The following CDH13 variants were observed in gnomAD, a reference collection of about 807,000 sequenced individuals.
CDH13 encodes cadherin 13.
In CDH13, 24 loss-of-function variants were observed where a neutral mutation model predicts 63.8. That is an observed-to-expected ratio of 0.38 (90% CI 0.27 to 0.53). The LOEUF (loss-of-function observed/expected upper bound fraction) is 0.53, where lower values mean the gene tolerates loss of function less well. Among genes scored for constraint, CDH13 ranks in the 20% least tolerant of loss-of-function variants. The probability of loss-of-function intolerance (pLI) is 0.85; values close to 1 mark genes in which losing one functional copy is unlikely to be tolerated. For missense variants in CDH13, 1,049 were observed against 903.1 expected (o/e 1.16, Z -2.07); for synonymous variants, 503 against 355.3 (o/e 1.42, Z -4.67).
At chr16:83,648,140 C>T (rs568873376) in intron 8 of CDH13, among the ~76,000 whole-genome samples, 1 of 152,192 alleles carries the variant, frequency 6.6e-6, no homozygotes, top group South Asian at 2.1e-4. Flanking sequence ...GAAACCAAAG[C>T]CATACCTTGG....
At chr16:83,427,656 A>G (rs751322660) in intron 6 of CDH13, among the ~76,000 whole-genome samples, 20 of 152,112 alleles carry the variant, frequency 1.3e-4, no homozygotes, top group Non-Finnish European at 2.6e-4. Flanking sequence ...AAGGGAGTGC[A>G]GTGATTATGG....
chr16:83,110,304 C>G (rs530342303), intron 3 of CDH13, among the ~76,000 whole-genome samples: 23 of 152,310 alleles, frequency 1.5e-4, no homozygotes, highest in Non-Finnish European at 2.5e-4. Flanking sequence ...GCATGTCTGT[C>G]TTTCAAAATG....
intron 1 of CDH13, among the ~76,000 whole-genome samples, chr16:82,786,541 A>G (rs1273009586): frequency 6.8e-6 from 1 of 147,172 alleles, no homozygotes; most frequent in Admixed American, 6.9e-5. Flanking sequence ...GTTCTAGGGT[A>G]CATGTGCACA....
At chr16:83,571,797 A>G (rs1340225097) in intron 7 of CDH13, among the ~76,000 whole-genome samples, 5 of 152,108 alleles carry the variant, frequency 3.3e-5, no homozygotes, top group Non-Finnish European at 1.5e-5. Flanking sequence ...GTTTGTCTCA[A>G]TTCTATGCAG....
At chr16:83,411,295 T>G (rs2092122153) in intron 6 of CDH13, among the ~76,000 whole-genome samples, 1 of 152,156 alleles carries the variant, frequency 6.6e-6, no homozygotes, top group Non-Finnish European at 1.5e-5. Flanking sequence ...CCACTGAAAT[T>G]AGCATCCCCC....
chr16:83,060,716 C>G (rs1164798986), intron 3 of CDH13, among the ~76,000 whole-genome samples: 1 of 152,178 alleles, frequency 6.6e-6, no homozygotes, highest in Non-Finnish European at 1.5e-5. Context: ...TCTCAGATCT[C>G]TGCATTAGGA....
chr16:83,243,108 G>A (rs1904630922), intron 5 of CDH13, among the ~76,000 whole-genome samples: 1 of 152,182 alleles, frequency 6.6e-6, no homozygotes, highest in South Asian at 2.1e-4. Context: ...CTTGACTCCA[G>A]TGTCCAGGCT....
chr16:83,304,939 T>A (rs542277822), intron 5 of CDH13, among the ~76,000 whole-genome samples: 1 of 152,194 alleles, frequency 6.6e-6, no homozygotes, highest in African/African-American at 2.4e-5. Flanking sequence ...AGCAGAACTT[T>A]CCCACTTTTC....
intron 8 of CDH13, among the ~76,000 whole-genome samples, chr16:83,647,235 G>T (rs1042264618): frequency 6.6e-6 from 1 of 151,394 alleles, no homozygotes; most frequent in Non-Finnish European, 1.5e-5. Flanking sequence ...GCATGAACCC[G>T]GGAGGCGGAG....
chr16:83,676,034 A>G (rs1914924969), intron 9 of CDH13, among the ~76,000 whole-genome samples: 1 of 152,182 alleles, frequency 6.6e-6, no homozygotes, highest in African/African-American at 2.4e-5. Flanking sequence ...TAGTTATAAG[A>G]GCAAGAACTT....
intron 1 of CDH13, among the ~76,000 whole-genome samples, chr16:82,628,422 TG>T (rs1268125902): frequency 7.2e-5 from 11 of 151,946 alleles, no homozygotes; most frequent in African/African-American, 2.7e-4. Context: ...CTGTCTGGGA[TG>T]GGGAGACTGG....
intron 2 of CDH13, among the ~76,000 whole-genome samples, chr16:83,025,668 T>G (rs775728271): frequency 1.3e-5 from 2 of 152,170 alleles, no homozygotes; most frequent in Non-Finnish European, 1.5e-5. Flanking sequence ...ACAGGGCTCC[T>G]ACACACAAGC....
intron 2 of CDH13, among the ~76,000 whole-genome samples, chr16:83,026,821 A>G (rs562533796): frequency 2.0e-5 from 3 of 152,228 alleles, no homozygotes; most frequent in African/African-American, 7.2e-5. Flanking sequence ...ACTGATTCCA[A>G]CCATTCTTTG....
chr16:82,669,701 C>T (rs1045904345), intron 1 of CDH13, among the ~76,000 whole-genome samples: 1 of 152,218 alleles, frequency 6.6e-6, no homozygotes, highest in Non-Finnish European at 1.5e-5. Flanking sequence ...TTCCATACAA[C>T]TGTGCCCTCT....
intron 8 of CDH13, among the ~76,000 whole-genome samples, chr16:83,619,322 G>A (rs1909588665): frequency 6.6e-6 from 1 of 152,220 alleles, no homozygotes; most frequent in African/African-American, 2.4e-5. Context: ...CTCATGATGA[G>A]ATGGAAGAGG....
intron 7 of CDH13, among the ~76,000 whole-genome samples, chr16:83,509,823 C>G (rs2074514843): frequency 1.3e-5 from 2 of 152,188 alleles, no homozygotes; most frequent in Non-Finnish European, 2.9e-5. Flanking sequence ...TTATTACTCT[C>G]TCTGAGTTTG....
At chr16:83,157,770 G>T (rs1041416409) in intron 4 of CDH13, among the ~76,000 whole-genome samples, 1 of 150,350 alleles carries the variant, frequency 6.7e-6, no homozygotes, top group Non-Finnish European at 1.5e-5. Context: ...AAAATTATCT[G>T]GGCATGGTGG....
chr16:82,730,062 G>A (rs2033316975), intron 1 of CDH13, among the ~76,000 whole-genome samples: 1 of 152,184 alleles, frequency 6.6e-6, no homozygotes. Context: ...GAATGCTGTG[G>A]CTGGATTGAT....
intron 1 of CDH13, among the ~76,000 whole-genome samples, chr16:82,705,643 C>A (rs556412581): frequency 1.3e-5 from 2 of 152,078 alleles, no homozygotes; most frequent in East Asian, 3.9e-4. Flanking sequence ...CACACGCCTG[C>A]TTCTTTCTTG....
Sources: gnomAD v4.1 joint callset for allele counts (sites outside exome capture counted in the v4.1 genomes callset) on GRCh38, gnomAD v4.1.1 for gene constraint, MANE v1.5 for transcripts, NCBI Gene and HGNC (gene_info 2026-07-23, HGNC 2026-07-21) for gene names.